The following PEA15 variants were observed in gnomAD, a reference collection of about 807,000 sequenced individuals.
PEA15 encodes the protein proliferation and apoptosis adaptor protein 15.
For missense variants in PEA15, 77 were observed against 161.3 expected, an observed-to-expected ratio of 0.48 and a Z score of 2.83; for synonymous variants, 60 against 61.8, an observed-to-expected ratio of 0.97 and a Z score of 0.13.
In PEA15 at chr1:160,208,458, C is replaced by G. The variant is rs934785843; in HGVS notation, c.-3+2936C>G. ...CCTGATTCCTGCCCTGGTATCCTGT[C>G]CCAAGAATGGCCTCCGCCCAGACTG... is the stretch of plus-strand genomic sequence containing the variant. On this transcript the variant is annotated intron_variant, in intron 1 of 3. Coordinates refer to ENST00000360472, the MANE Select transcript of PEA15 (RefSeq NM_003768.5). The surrounding 1 kb of genome is among the most constrained non-coding windows in gnomAD (Gnocchi z 4.1). 2 of 702,934 alleles carry G rather than the reference C, an allele frequency of 2.8e-6. No individual in the cohort carries two copies. Among genetic ancestry groups the G allele is most frequent in the African/African-American group, 3.5e-5 (2 of 56,516 alleles). 43.5% of individuals were successfully genotyped at this position (702,934 alleles called of 1,614,324 possible).
rs1655046364 is a variant in PEA15, at chr1:160,215,011, T to G, written c.*1525T>G. 2 of 152,844 alleles carry G rather than the reference T, an allele frequency of 1.3e-5. No individual in the cohort carries two copies. 9.5% of individuals were successfully genotyped at this position (152,844 alleles called of 1,614,324 possible). A position where few individuals can be genotyped will look rare whatever the true frequency, so the allele number is the denominator to read the frequency against. On this transcript the variant is annotated 3_prime_UTR_variant, in exon 4 of 4. Coordinates refer to ENST00000360472, the MANE Select transcript of PEA15 (RefSeq NM_003768.5). ...ACACACACCTCTAGGACTCCACAGT[T>G]TTGCCTTAAAGGACCTTCCCAAGTC...
chr1:160,210,071 G>A (rs1654806147), intron 1 of PEA15, among the ~76,000 whole-genome samples: 1 of 152,240 alleles, frequency 6.6e-6, no homozygotes, highest in Non-Finnish European at 1.5e-5. Flanking sequence ...GCCACCAAGG[G>A]AGGCTTGTTT....
At chr1:160,209,600 T>C (rs1401347947) in intron 1 of PEA15, among the ~76,000 whole-genome samples, 2 of 152,124 alleles carry the variant, frequency 1.3e-5, no homozygotes, top group Non-Finnish European at 2.9e-5. Context: ...TCTCCTTCCA[T>C]ATGAAAGCAG....
At position 160,214,599 on chromosome 1, in the gene PEA15, A is replaced by G. The variant is rs1171503740; in HGVS notation, c.*1113A>G. 6.6e-6 allele frequency: 1 copy of G among 152,578 alleles called. No individual in the cohort carries two copies. Among genetic ancestry groups the G allele is most frequent in the Non-Finnish European group, 1.5e-5 (1 of 68,070 alleles). 9.5% of individuals were successfully genotyped at this position (152,578 alleles called of 1,614,324 possible). A position where few individuals can be genotyped will look rare whatever the true frequency, so the allele number is the denominator to read the frequency against. On this transcript the variant is annotated 3_prime_UTR_variant, in exon 4 of 4. Coordinates refer to ENST00000360472, the MANE Select transcript of PEA15 (RefSeq NM_003768.5). ...CCCTGACCGTGCTAACTGTGTGTACATATATATTCTACATATATGTATATT... is the reference window on the plus strand; with the variant it reads ...CCCTGACCGTGCTAACTGTGTGTACGTATATATTCTACATATATGTATATT...
In PEA15 at chr1:160,213,895, A is replaced by G; in HGVS notation, c.*409A>G. On this transcript the variant is annotated 3_prime_UTR_variant, in exon 4 of 4. Coordinates refer to ENST00000360472, the MANE Select transcript of PEA15 (RefSeq NM_003768.5). The surrounding 1 kb of genome is among the most constrained non-coding windows in gnomAD (Gnocchi z 5.3). ...CATAGGGGTAAGGTATGGGAGAGGT[A>G]GGTGGATCCAGGGAAAAGCAGTGGG... 5.1e-6 allele frequency: 1 copy of G among 196,256 alleles called. No individual in the cohort carries two copies. The highest frequency in any genetic ancestry group is 9.9e-5 in the South Asian group (1 of 10,104). 12.2% of individuals were successfully genotyped at this position (196,256 alleles called of 1,614,324 possible).
At position 160,211,625 on chromosome 1, in the gene PEA15, C is replaced by T; in HGVS notation, c.81C>T (p.Cys27=). 1 of 1,614,106 alleles carries T rather than the reference C, an allele frequency of 6.2e-7. No homozygotes were observed. Among genetic ancestry groups the T allele is most frequent in the Non-Finnish European group, 8.5e-7 (1 of 1,179,996 alleles). Residue 27 remains cysteine (C), a synonymous_variant, in exon 2 of 4, where the codon TGC becomes TGT. Coordinates refer to ENST00000360472, the MANE Select transcript of PEA15 (RefSeq NM_003768.5). ...ATCTAGAACAGCTCAAGTCGGCCTG[C>T]AAGGAAGACATCCCCAGCGAAAAGA... ...LEDLEQLKSA[C]KEDIPSEKSE...
chr1:160,211,180 G>A (rs1348091156), intron 1 of PEA15: 2 of 533,908 alleles, frequency 3.7e-6, no homozygotes, highest in Non-Finnish European at 4.8e-6. Flanking sequence ...GCGATTCTGA[G>A]GGGGGACTTG....
Position 160,213,633 on chromosome 1 carries a change from T to G in PEA15, c.*147T>G. On this transcript the variant is annotated 3_prime_UTR_variant, in exon 4 of 4. Coordinates refer to ENST00000360472, the MANE Select transcript of PEA15 (RefSeq NM_003768.5). This position sits in a 1 kb window ranked among gnomAD's most constrained non-coding sequence, Gnocchi z 5.3. ...CTTACTGTGCGCGTGTGTGTGCGTG[T>G]GCGCACGCTCTGGCTGTTTGTCTAT... 1 of 425,056 alleles carries G rather than the reference T, an allele frequency of 2.4e-6. No individual in the cohort carries two copies. Among genetic ancestry groups the G allele is most frequent in the East Asian group, 6.9e-5 (1 of 14,580 alleles). 26.3% of individuals were successfully genotyped at this position (425,056 alleles called of 1,614,324 possible). A position where few individuals can be genotyped will look rare whatever the true frequency, so the allele number is the denominator to read the frequency against.
At chr1:160,206,001 T>A (rs539840849) in intron 1 of PEA15, 2 of 152,328 alleles carry the variant, frequency 1.3e-5, no homozygotes, top group Admixed American at 1.3e-4. Context: ...AAGGAGGAGC[T>A]GGGGGTGTAG....
In PEA15 at chr1:160,213,570, C is replaced by T. The variant is rs1234876722; in HGVS notation, c.*84C>T. The stretch of plus-strand genomic sequence containing the variant: ...CCTCCAGGAGAGGGGGCAAGGGCAA[C>T]CCACCATCTACCCACTTACTAACCT... On this transcript the variant is annotated 3_prime_UTR_variant, in exon 4 of 4. Transcript: ENST00000360472. This position sits in a 1 kb window ranked among gnomAD's most constrained non-coding sequence, Gnocchi z 5.3. 3.3e-6 allele frequency: 4 copies of T among 1,214,742 alleles called. No homozygotes were observed. The highest frequency in any genetic ancestry group is 3.0e-5 in the African/African-American group (2 of 67,014). The allele number at this position is 1,214,742 out of a possible 1,614,324, so 75.2% of individuals were successfully genotyped here. A position where few individuals can be genotyped will look rare whatever the true frequency, so the allele number is the denominator to read the frequency against.
At chr1:160,210,233 G>A (rs1020163898) in intron 1 of PEA15, among the ~76,000 whole-genome samples, 2 of 152,234 alleles carry the variant, frequency 1.3e-5, no homozygotes, top group Non-Finnish European at 2.9e-5. Flanking sequence ...CACATTCCCA[G>A]CCTAATGCTG....
chr1:160,208,869 T>G lies in PEA15; in HGVS notation c.-2-2674T>G. 4.1e-5 allele frequency: 22 copies of G among 537,186 alleles called. No homozygotes were observed. The highest frequency in any genetic ancestry group is 3.7e-5 in the Non-Finnish European group (11 of 300,170). The allele number at this position is 537,186 out of a possible 1,614,324, so 33.3% of individuals were successfully genotyped here. A position where few individuals can be genotyped will look rare whatever the true frequency, so the allele number is the denominator to read the frequency against. On this transcript the variant is annotated intron_variant, in intron 1 of 3. Coordinates refer to ENST00000360472, the MANE Select transcript of PEA15 (RefSeq NM_003768.5). The surrounding 1 kb of genome is among the most constrained non-coding windows in gnomAD (Gnocchi z 4.1). Reference sequence around the variant, plus strand: ...CATTCCCTACACTCCTCCCATCTAGTGGTGTCATCCTAACGACTGGGGGTG... The same window carrying G: ...CATTCCCTACACTCCTCCCATCTAGGGGTGTCATCCTAACGACTGGGGGTG...
chr1:160,206,742 T>G (rs1557819898), intron 1 of PEA15, among the ~76,000 whole-genome samples: 1 of 152,104 alleles, frequency 6.6e-6, no homozygotes. Flanking sequence ...GTGCAAACAG[T>G]GTTTGAGAGT....
intron 2 of PEA15, among the ~76,000 whole-genome samples, chr1:160,212,625 G>A (rs1557823378): frequency 1.3e-5 from 2 of 152,078 alleles, no homozygotes; most frequent in Non-Finnish European, 1.5e-5. Flanking sequence ...CGTCCTTCTG[G>A]TGGTGTCCAT....
chr1:160,207,374 C>T (rs911459326), intron 1 of PEA15: 5 of 152,548 alleles, frequency 3.3e-5, no homozygotes, highest in South Asian at 2.1e-4. Context: ...GGGAGTGCCA[C>T]ACCAGAAGAG....
chr1:160,205,498 C>A lies in PEA15; in HGVS notation c.-27C>A. ...AACCGGGGACTCAGGAGTGCCCGCG[C>A]CCTGAGCGCTCAGCTCCAGAGGCGG... On this transcript the variant is annotated 5_prime_UTR_variant, in exon 1 of 4. Transcript: ENST00000360472. This position sits in a 1 kb window ranked among gnomAD's most constrained non-coding sequence, Gnocchi z 5.9. The A allele has an allele frequency of 6.2e-6, 1 of 160,872 alleles. No homozygotes were observed. 10.0% of individuals were successfully genotyped at this position (160,872 alleles called of 1,614,324 possible). A position where few individuals can be genotyped will look rare whatever the true frequency, so the allele number is the denominator to read the frequency against.
chr1:160,211,151 G>A (rs1016128950), intron 1 of PEA15: 2 of 253,180 alleles, frequency 7.9e-6, no homozygotes, highest in African/African-American at 4.6e-5. Flanking sequence ...GACATGGGGA[G>A]GGGTTGGAAG....
rs1412960550 is a variant in PEA15, at chr1:160,208,937, G to T, written c.-2-2606G>T. 1 of 466,420 alleles carries T rather than the reference G, an allele frequency of 2.1e-6. No individual in the cohort carries two copies. The highest frequency in any genetic ancestry group is 3.9e-6 in the Non-Finnish European group (1 of 256,110). The allele number at this position is 466,420 out of a possible 1,614,324, so 28.9% of individuals were successfully genotyped here. On this transcript the variant is annotated intron_variant, in intron 1 of 3. Coordinates refer to ENST00000360472, the MANE Select transcript of PEA15 (RefSeq NM_003768.5). This position sits in a 1 kb window ranked among gnomAD's most constrained non-coding sequence, Gnocchi z 4.1. ...AGGTTGCTATAGTAACAGATGAGAT[G>T]AGGCTACAGCCTTCTATAGTTGTGG...
rs1033140526 is a variant in PEA15, at chr1:160,205,458, C to T, written c.-67C>T. The T allele has an allele frequency of 1.3e-4, 24 of 184,178 alleles. No individual in the cohort carries two copies. The highest frequency in any genetic ancestry group is 2.3e-3 in the Middle Eastern group (1 of 426). The allele number at this position is 184,178 out of a possible 1,614,324, so 11.4% of individuals were successfully genotyped here. ...GCGGCGGGAGCCGAGGAGGAGGTTC[C>T]GGACGCTGCTTAGGAACCGGGGACT... On this transcript the variant is annotated 5_prime_UTR_variant, in exon 1 of 4. Coordinates refer to ENST00000360472, the MANE Select transcript of PEA15 (RefSeq NM_003768.5). This position sits in a 1 kb window ranked among gnomAD's most constrained non-coding sequence, Gnocchi z 5.9.
Sources: allele counts gnomAD v4.1 joint callset (sites outside exome capture counted in the v4.1 genomes callset), GRCh38; gene constraint gnomAD v4.1.1; non-coding constraint Gnocchi (gnomAD v3.1); transcripts MANE v1.5; gene names NCBI Gene and HGNC (gene_info 2026-07-23, HGNC 2026-07-21).